The following PLEKHS1 variants were observed in gnomAD, a reference collection of about 807,000 sequenced individuals.
The protein encoded by PLEKHS1 is pleckstrin homology domain-containing family S member 1.
PLEKHS1 carries 55 observed loss-of-function variants against 51.0 expected under a neutral mutation model. The observed-to-expected ratio is 1.08, with a 90% CI of 0.87 to 1.35. The LOEUF (loss-of-function observed/expected upper bound fraction) is 1.35. Among genes scored for constraint, PLEKHS1 ranks in the 40% most tolerant of loss-of-function variants. The probability of loss-of-function intolerance (pLI) is 0.00; values close to 1 mark genes in which losing one functional copy is unlikely to be tolerated. For missense variants in PLEKHS1, 398 were observed against 423.0 expected (o/e 0.94, Z 0.52); for synonymous variants, 153 against 144.8 (o/e 1.06, Z -0.41).
chr10:113,775,983 T>C, intron 11 of PLEKHS1, 117 bp downstream of exon 11: 5 of 679,590 alleles, frequency 7.4e-6, no homozygotes, highest in Non-Finnish European at 1.2e-5. Flanking sequence ...GCGGGGGAGC[T>C]TGGACTGTTG....
intron 1 of PLEKHS1, among the ~76,000 whole-genome samples, 158 bp downstream of exon 1, chr10:113,751,919 C>T (rs1462261942): frequency 3.0e-4 from 46 of 152,272 alleles, no homozygotes; most frequent in Non-Finnish European, 4.4e-5. Context: ...CTAGGCTATA[C>T]TATAGTCAGA....
chr10:113,770,077 G>A (rs1445601842), intron 7 of PLEKHS1, among the ~76,000 whole-genome samples, 177 bp downstream of exon 7: 3 of 152,220 alleles, frequency 2.0e-5, no homozygotes, highest in Non-Finnish European at 2.9e-5. Flanking sequence ...CTCACTGAGG[G>A]CTTGCCCTGA....
intron 9 of PLEKHS1, 56 bp from the exon 10 acceptor site, chr10:113,774,770 G>A (rs1011411581): frequency 7.8e-5 from 117 of 1,502,300 alleles, no homozygotes; most frequent in Non-Finnish European, 9.9e-5. Flanking sequence ...ACACACAGGG[G>A]AACACTGTAA....
exon 12 of PLEKHS1, chr10:113,781,655 C>T (rs1251557539): frequency 1.8e-5 from 2 of 111,380 alleles, no homozygotes; most frequent in Non-Finnish European, 3.8e-5. Context: ...CAAACACCTC[C>T]TTCCCAGACA....
In PLEKHS1 at chr10:113,769,769, T is replaced by C. The variant is rs758114435; in HGVS notation, c.436-15T>C. The stretch of plus-strand genomic sequence containing the variant: ...GATCAACTGTGCCCTGACTGATTCC[T>C]TTTTTTGTGAGCAGGAGGAACTCTC... On this transcript the variant is annotated splice_polypyrimidine_tract_variant and intron_variant, in intron 6 of 11. Transcript: ENST00000361048. 8 of 1,545,288 alleles carry C rather than the reference T, an allele frequency of 5.2e-6. No individual in the cohort carries two copies. The highest frequency in any genetic ancestry group is 3.3e-5 in the Admixed American group (2 of 59,812).
intron 8 of PLEKHS1, among the ~76,000 whole-genome samples, chr10:113,773,725 C>T (rs1163224836): frequency 6.6e-6 from 1 of 152,106 alleles, no homozygotes; most frequent in Non-Finnish European, 1.5e-5. Context: ...CAATCATTGC[C>T]ACAAGTGACT....
rs1216988451 is a variant in PLEKHS1, at chr10:113,777,321, T to C, written c.1091+1455T>C. Reference sequence around the variant, plus strand: ...AGTACCAGAAGGAAAAAGATCAGGGTCTTAGATGGAGTCTGAGAAGTACCC... The same window carrying C: ...AGTACCAGAAGGAAAAAGATCAGGGCCTTAGATGGAGTCTGAGAAGTACCC... On this transcript the variant is annotated intron_variant, in intron 11 of 11. Transcript: ENST00000361048. 4 of 1,608,268 alleles carry C rather than the reference T, an allele frequency of 2.5e-6. No individual in the cohort carries two copies. The African/African-American group carries it at 4.0e-5, about 16-fold the overall frequency.
At chr10:113,771,070 T>G (rs1844382545) in intron 7 of PLEKHS1, among the ~76,000 whole-genome samples, 1 of 152,200 alleles carries the variant, frequency 6.6e-6, no homozygotes, top group Non-Finnish European at 1.5e-5. Context: ...GGCATTGTTC[T>G]TGGAATTTTT....
At chr10:113,768,966 C>T in intron 6 of PLEKHS1, 76 bp downstream of exon 6, 1 of 1,062,514 alleles carries the variant, frequency 9.4e-7, no homozygotes, top group South Asian at 1.7e-5. Flanking sequence ...TGGTAGCTTT[C>T]CTTTGCCTCC....
At chr10:113,771,380 T>C (rs1844396836) in intron 7 of PLEKHS1, 1 of 152,160 alleles carries the variant, frequency 6.6e-6, no homozygotes. Context: ...TGACTTAGAA[T>C]GCTACCCACA....
chr10:113,762,143 ACT>A (rs985377097), intron 2 of PLEKHS1, among the ~76,000 whole-genome samples: 11 of 151,712 alleles, frequency 7.3e-5, no homozygotes, highest in African/African-American at 1.2e-4. Flanking sequence ...ATATCAGTAG[ACT>A]CTGTAGATAT....
intron 8 of PLEKHS1, among the ~76,000 whole-genome samples, chr10:113,772,886 T>C (rs1025147989): frequency 1.3e-5 from 2 of 152,156 alleles, no homozygotes; most frequent in Admixed American, 6.5e-5. Context: ...GTAGACAGCA[T>C]AGGGGAAGCG....
Position 113,755,203 on chromosome 10 carries a change from C to A in PLEKHS1, c.-19-56C>A. 3 of 1,535,340 alleles carry A rather than the reference C, an allele frequency of 2.0e-6. No individual in the cohort carries two copies. In the South Asian group the frequency reaches 3.9e-5, roughly 20 times the overall value. On this transcript the variant is annotated intron_variant, in intron 1 of 11. Coordinates refer to ENST00000361048, the Ensembl canonical transcript of PLEKHS1. ...TACTCACTGACCAGCGGTGGCTGGTCAATGAAACACACGTAGTGTTGTTTG... is the reference window on the plus strand; with the variant it reads ...TACTCACTGACCAGCGGTGGCTGGTAAATGAAACACACGTAGTGTTGTTTG...
intron 10 of PLEKHS1, 89 bp from the exon 11 acceptor site, chr10:113,775,674 CAG>C (rs1844617180): frequency 1.3e-6 from 1 of 752,274 alleles, no homozygotes; most frequent in South Asian, 2.2e-5. Flanking sequence ...AATGTCATCT[CAG>C]AAATAGAGGC....
intron 4 of PLEKHS1, 149 bp from the exon 5 acceptor site, chr10:113,767,196 C>A: frequency 1.8e-6 from 1 of 570,336 alleles, no homozygotes; most frequent in Non-Finnish European, 2.7e-6. Flanking sequence ...ATCAAAAAAT[C>A]CAAACTTATC....
intron 2 of PLEKHS1, chr10:113,764,829 G>C (rs1269349734): frequency 1.3e-5 from 2 of 152,376 alleles, no homozygotes; most frequent in Admixed American, 1.3e-4. Flanking sequence ...ATGCCTTTAA[G>C]TGCACTAATC....
At chr10:113,756,309 T>C (rs1416303960) in intron 2 of PLEKHS1, among the ~76,000 whole-genome samples, 2 of 151,940 alleles carry the variant, frequency 1.3e-5, no homozygotes, top group Non-Finnish European at 2.9e-5. Context: ...CTATTAAAAA[T>C]ACAAAAATTT....
intron 5 of PLEKHS1, among the ~76,000 whole-genome samples, chr10:113,768,554 G>A (rs527512959): frequency 5.3e-5 from 8 of 152,294 alleles, no homozygotes; most frequent in South Asian, 2.1e-4. Flanking sequence ...TGTCAAAGCC[G>A]AAAGCCCCAA....
chr10:113,780,126 G>C (rs1351920239), intron 11 of PLEKHS1, among the ~76,000 whole-genome samples: 1 of 152,136 alleles, frequency 6.6e-6, no homozygotes, highest in Non-Finnish European at 1.5e-5. Context: ...TGGAGGTTGG[G>C]GTGGGGATGG....
Sources: allele counts gnomAD v4.1 joint callset (sites outside exome capture counted in the v4.1 genomes callset), GRCh38; gene constraint gnomAD v4.1.1; transcripts MANE v1.5; gene names NCBI Gene and HGNC (gene_info 2026-07-23, HGNC 2026-07-21).